C21orf91: variants seen among roughly 807,000 people sequenced by gnomAD.
C21orf91 encodes the protein protein EURL homolog.
Under a neutral mutation model 32.9 loss-of-function variants are expected in C21orf91, and 26 were observed. The ratio of observed to expected loss-of-function variants is 0.79; its 90% CI spans 0.58 to 1.10. The LOEUF is 1.10. C21orf91 is among the 50% of genes least tolerant of loss of function. The pLI, the probability that C21orf91 is intolerant of heterozygous loss-of-function variation, is 0.00. For missense variants in C21orf91, 310 were observed against 341.3 expected (o/e 0.91, Z 0.72); for synonymous variants, 126 against 120.4 (o/e 1.05, Z -0.31).
chr21:17,814,941 G>A (rs1244764245), intron 2 of C21orf91, among the ~76,000 whole-genome samples: 3 of 152,160 alleles, frequency 2.0e-5, no homozygotes, highest in Non-Finnish European at 4.4e-5. Flanking sequence ...GTGTTTCTCA[G>A]GTCCTTAAAG....
chr21:17,795,839 A>T (rs1195836242), intron 3 of C21orf91, among the ~76,000 whole-genome samples: 1 of 152,180 alleles, frequency 6.6e-6, no homozygotes, highest in Admixed American at 6.5e-5. Flanking sequence ...TTCACCAAAA[A>T]ATAGTAGTAG....
intron 2 of C21orf91, among the ~76,000 whole-genome samples, chr21:17,806,502 T>A (rs1216905283): frequency 1.6e-5 from 1 of 63,800 alleles, no homozygotes; most frequent in Non-Finnish European, 2.8e-5. Context: ...GCCAAGCTGA[T>A]GAGTTAGTAA....
Position 17,792,322 on chromosome 21 carries a change from A to G in C21orf91, c.*1093T>C, listed in dbSNP as rs2062481131. On this transcript the variant is annotated 3_prime_UTR_variant, in exon 5 of 5. Coordinates refer to ENST00000284881, the MANE Select transcript of C21orf91 (RefSeq NM_001100420.2). ...ATTAGGAGTTTTGCTTTTCTTCTGTAGAACAATCCTATATTTCTCTATAGA... is the reference window on the plus strand; with the variant it reads ...ATTAGGAGTTTTGCTTTTCTTCTGTGGAACAATCCTATATTTCTCTATAGA... 6.6e-6 allele frequency: 1 copy of G among 152,120 alleles called. No individual in the cohort carries two copies. Among genetic ancestry groups the G allele is most frequent in the Non-Finnish European group, 1.5e-5 (1 of 68,000 alleles). 9.4% of individuals were successfully genotyped at this position (152,120 alleles called of 1,614,324 possible). A position where few individuals can be genotyped will look rare whatever the true frequency, so the allele number is the denominator to read the frequency against.
At chr21:17,803,462 G>A (rs767534991) in intron 2 of C21orf91, among the ~76,000 whole-genome samples, 1 of 152,064 alleles carries the variant, frequency 6.6e-6, no homozygotes, top group African/African-American at 2.4e-5. Flanking sequence ...GATGAGCCAC[G>A]ACTGCGCCTC....
rs1191400719 is a variant in C21orf91 at position 17,789,733 on chromosome 21, A to G, written c.*3682T>C. The stretch of plus-strand genomic sequence containing the variant: ...GATGAAGTGAAATGAAAATACTGAG[A>G]TGCAAGCATTATAGCCCTCCTCCAA... On this transcript the variant is annotated 3_prime_UTR_variant, in exon 5 of 5. Transcript: ENST00000284881. 6.6e-6 allele frequency: 1 copy of G among 152,144 alleles called. No individual in the cohort carries two copies. The highest frequency in any genetic ancestry group is 1.9e-4 in the East Asian group (1 of 5,200). 9.4% of individuals were successfully genotyped at this position (152,144 alleles called of 1,614,324 possible).
intron 2 of C21orf91, among the ~76,000 whole-genome samples, chr21:17,803,512 GTCTT>G (rs1175477426): frequency 6.6e-6 from 1 of 151,868 alleles, no homozygotes. Context: ...GAGACCCTGT[GTCTT>G]AAAAAAAAGA....
intron 2 of C21orf91, among the ~76,000 whole-genome samples, chr21:17,808,300 G>A (rs1011030628): frequency 8.5e-5 from 13 of 152,250 alleles, no homozygotes; most frequent in Admixed American, 3.3e-4. Context: ...TAACCCTGCA[G>A]GTGTGCAGAG....
chr21:17,814,900 G>A (rs1441745336), intron 2 of C21orf91, among the ~76,000 whole-genome samples: 1 of 152,144 alleles, frequency 6.6e-6, no homozygotes, highest in Non-Finnish European at 1.5e-5. Context: ...TCAACCTTGT[G>A]AACATTAAAA....
intron 4 of C21orf91, 69 bp downstream of exon 4, chr21:17,795,139 G>A (rs1326854084): frequency 3.2e-6 from 3 of 931,462 alleles, no homozygotes; most frequent in Non-Finnish European, 5.4e-6. Context: ...AGCCAGTGGT[G>A]TCCTATCATA....
chr21:17,799,845 G>GA (rs1400665349), intron 2 of C21orf91, among the ~76,000 whole-genome samples: 4 of 151,998 alleles, frequency 2.6e-5, no homozygotes, highest in African/African-American at 9.7e-5. Context: ...ATGCATAAAA[G>GA]AAAATTAAAA....
chr21:17,810,847 A>G (rs1486933286), intron 2 of C21orf91: 1 of 152,154 alleles, frequency 6.6e-6, no homozygotes, highest in East Asian at 1.9e-4. Flanking sequence ...TCAAAACTAT[A>G]TTATGTTGGC....
intron 2 of C21orf91, among the ~76,000 whole-genome samples, chr21:17,808,614 C>G (rs1321047668): frequency 6.6e-6 from 1 of 152,216 alleles, no homozygotes; most frequent in East Asian, 1.9e-4. Context: ...TGTGATGTAA[C>G]CTCACTGTAT....
At chr21:17,801,062 A>G (rs1250703600) in intron 2 of C21orf91, among the ~76,000 whole-genome samples, 1 of 152,158 alleles carries the variant, frequency 6.6e-6, no homozygotes, top group Non-Finnish European at 1.5e-5. Context: ...ATATACCCAA[A>G]GGATTAAAAA....
chr21:17,800,315 T>G (rs558418779), intron 2 of C21orf91, among the ~76,000 whole-genome samples: 19 of 152,294 alleles, frequency 1.2e-4, no homozygotes, highest in African/African-American at 4.6e-4. Context: ...TGTGCAGCAG[T>G]AGCATAGGAA....
Position 17,796,646 on chromosome 21 carries a change from T to A in C21orf91, c.600A>T (p.Glu200Asp). Residue 200 changes from glutamate to aspartate, a missense_variant, in exon 3 of 5, where the codon GAA becomes GAT. Physicochemically the swap from Glu to Asp is conservative, Grantham distance 45. Transcript: ENST00000284881. The part of the protein sequence containing the change: ...PHSHNQAQKK[E>D]ETISSPEANV... ...TAGCCTCTGGACTAGAGATTGTCTC[T>A]TCTTTTTTCTGTGCCTGGTTGTGAC... 2 of 1,614,086 alleles carry A rather than the reference T, an allele frequency of 1.2e-6. No individual in the cohort carries two copies. Among genetic ancestry groups the A allele is most frequent in the East Asian group, 4.5e-5 (2 of 44,854 alleles).
intron 2 of C21orf91, among the ~76,000 whole-genome samples, chr21:17,811,797 AT>A (rs1265887372): frequency 1.3e-5 from 2 of 152,170 alleles, no homozygotes; most frequent in Non-Finnish European, 2.9e-5. Context: ...AATCATTTTA[AT>A]TTATAATTAT....
Position 17,795,577 on chromosome 21 carries a change from G to C in C21orf91, c.665-307C>G, listed in dbSNP as rs965505334. 2.0e-5 allele frequency among the ~76,000 whole-genome samples: 3 copies of C among 152,168 alleles called. No individual in the cohort carries two copies. In the South Asian group the frequency reaches 6.2e-4, roughly 32 times the overall value. ...TGTTGCCTCAACCTCCTGGGCTCAA[G>C]TGATTCCTCCCACCTCAGCCTCCCT... On this transcript the variant is annotated intron_variant, in intron 3 of 4. Transcript: ENST00000284881.
At chr21:17,801,643 G>C (rs1568751842) in intron 2 of C21orf91, among the ~76,000 whole-genome samples, 1 of 151,148 alleles carries the variant, frequency 6.6e-6, no homozygotes, top group Admixed American at 6.6e-5. Context: ...ATAACACACT[G>C]GGGCCTGTCA....
rs1054186986 is a variant in C21orf91, at chr21:17,790,837, A to G, written c.*2578T>C. The G allele has an allele frequency of 6.6e-6, 1 of 152,128 alleles. No individual in the cohort carries two copies. The highest frequency in any genetic ancestry group is 1.5e-5 in the Non-Finnish European group (1 of 67,964). The allele number at this position is 152,128 out of a possible 1,614,324, so 9.4% of individuals were successfully genotyped here. A position where few individuals can be genotyped will look rare whatever the true frequency, so the allele number is the denominator to read the frequency against. On this transcript the variant is annotated 3_prime_UTR_variant, in exon 5 of 5. Coordinates refer to ENST00000284881, the MANE Select transcript of C21orf91 (RefSeq NM_001100420.2). ...CAAAAACACTTTTCTAATTTTTAAA[A>G]CTCAATTTAACGTGTCAAATTATAA...
Sources: allele counts gnomAD v4.1 joint callset (sites outside exome capture counted in the v4.1 genomes callset), GRCh38; gene constraint gnomAD v4.1.1; transcripts MANE v1.5; gene names NCBI Gene and HGNC (gene_info 2026-07-23, HGNC 2026-07-21).